SUGCT: variants seen among roughly 807,000 people sequenced by gnomAD.
SUGCT encodes succinyl-CoA:glutarate-CoA transferase.
SUGCT carries 41 observed loss-of-function variants against 55.0 expected under a neutral mutation model. The ratio of observed to expected loss-of-function variants is 0.74; its 90% CI spans 0.58 to 0.97. The LOEUF (loss-of-function observed/expected upper bound fraction) is 0.97, where lower values mean the gene tolerates loss of function less well. Ranked by LOEUF, SUGCT falls within the 50% of genes least tolerant of loss-of-function variation. SUGCT has a pLI of 0.00. For synonymous variants in SUGCT, 187 were observed against 200.4 expected, an observed-to-expected ratio of 0.93 and a Z score of 0.56; for missense variants, 568 against 547.8, an observed-to-expected ratio of 1.04 and a Z score of -0.37.
At chr7:40,536,902 C>T (rs1023968962) in intron 12 of SUGCT, among the ~76,000 whole-genome samples, 10 of 152,126 alleles carry the variant, frequency 6.6e-5, no homozygotes, top group Non-Finnish European at 1.3e-4. Flanking sequence ...AAGTTATGCA[C>T]TGAATGGCAT....
intron 7 of SUGCT, among the ~76,000 whole-genome samples, chr7:40,246,447 A>G (rs1278695761): frequency 1.3e-5 from 2 of 151,798 alleles, no homozygotes; most frequent in Non-Finnish European, 2.9e-5. Flanking sequence ...ACTGGGTTTC[A>G]CCATGTTGAC....
chr7:40,796,237 G>A (rs1402277925), intron 13 of SUGCT, among the ~76,000 whole-genome samples: 1 of 152,110 alleles, frequency 6.6e-6, no homozygotes, highest in Non-Finnish European at 1.5e-5. Context: ...ATTGGGTTGG[G>A]GATCTGAGTG....
At chr7:40,494,784 C>T (rs529682891) in intron 11 of SUGCT, among the ~76,000 whole-genome samples, 1 of 152,186 alleles carries the variant, frequency 6.6e-6, no homozygotes, top group Non-Finnish European at 1.5e-5. Flanking sequence ...CATCATTGTT[C>T]ATATAGTAGC....
intron 9 of SUGCT, 100 bp downstream of exon 9, chr7:40,316,955 G>GTTTTTT (rs56989808): frequency 0.03 from 5,703 of 187,744 alleles, 169 homozygotes; most frequent in Non-Finnish European, 0.034. Context: ...TCCTTCAGCT[G>GTTTTTT]TTTTTTTTTT....
chr7:40,541,844 G>A (rs572604080), intron 12 of SUGCT, among the ~76,000 whole-genome samples: 94 of 152,242 alleles, frequency 6.2e-4, no homozygotes, highest in Middle Eastern at 3.4e-3. Flanking sequence ...ACAAAATCCT[G>A]GAGATTCAGA....
At chr7:40,329,357 T>A (rs963051559) in intron 9 of SUGCT, among the ~76,000 whole-genome samples, 3 of 152,198 alleles carry the variant, frequency 2.0e-5, no homozygotes, top group African/African-American at 7.2e-5. Flanking sequence ...GGCTGTTTCC[T>A]TCTTAAGTTT....
In SUGCT at chr7:40,685,780, G is replaced by A. The variant is rs574558472; in HGVS notation, c.1090-63654G>A. Among the ~76,000 whole-genome samples, 44 of 152,262 alleles carry A rather than the reference G, an allele frequency of 2.9e-4. 1 individual carries two copies. In the South Asian group the frequency reaches 9.1e-3, roughly 32 times the overall value. ...TAGGCCGCACGCATGGCGCATGCCT[G>A]TAATCTCAGCACTTTGTGCAACCAA... is the stretch of plus-strand genomic sequence containing the variant. On this transcript the variant is annotated intron_variant, in intron 12 of 13. Transcript: ENST00000335693.
At chr7:40,537,123 C>T (rs1187950217) in intron 12 of SUGCT, among the ~76,000 whole-genome samples, 1 of 152,258 alleles carries the variant, frequency 6.6e-6, no homozygotes, top group East Asian at 1.9e-4. Context: ...ATAATATCAA[C>T]ATGTCTCAAT....
the SUGCT span, among the ~76,000 whole-genome samples, chr7:40,956,709 TAGG>T: frequency 2.6e-5 from 4 of 152,270 alleles, no homozygotes; most frequent in East Asian, 7.7e-4. Flanking sequence ...ATTGTGATGT[TAGG>T]GGGGCAATTT....
chr7:40,831,297 A>G (rs899903994), intron 13 of SUGCT, among the ~76,000 whole-genome samples: 1 of 151,966 alleles, frequency 6.6e-6, no homozygotes, highest in Non-Finnish European at 1.5e-5. Context: ...TACTGCTGGG[A>G]CTGTTCCCCA....
intron 13 of SUGCT, among the ~76,000 whole-genome samples, chr7:40,779,772 A>G (rs1468958450): frequency 6.6e-6 from 1 of 152,312 alleles, no homozygotes; most frequent in East Asian, 1.9e-4. Context: ...TGCTGCCATA[A>G]TTAATCAAAA....
chr7:40,806,330 C>G (rs1437077155), intron 13 of SUGCT, among the ~76,000 whole-genome samples: 2 of 152,090 alleles, frequency 1.3e-5, no homozygotes, highest in African/African-American at 4.8e-5. Context: ...CTTTAAATCT[C>G]TTTTATCTTG....
intron 12 of SUGCT, among the ~76,000 whole-genome samples, chr7:40,687,245 C>T (rs759302969): frequency 2.0e-5 from 3 of 152,142 alleles, no homozygotes; most frequent in African/African-American, 4.8e-5. Flanking sequence ...GTTCAACCTA[C>T]CACATCTAAT....
chr7:40,547,162 C>A (rs756731992), intron 12 of SUGCT, among the ~76,000 whole-genome samples: 7 of 152,086 alleles, frequency 4.6e-5, no homozygotes, highest in Non-Finnish European at 7.4e-5. Context: ...GATGTGGTTC[C>A]ACTTTGAGGA....
chr7:41,034,782 T>C, the SUGCT span, among the ~76,000 whole-genome samples: 2 of 152,154 alleles, frequency 1.3e-5, no homozygotes, highest in Non-Finnish European at 2.9e-5. Flanking sequence ...GAAGATGGAG[T>C]GGCCTCTGAG....
chr7:40,731,832 T>TC (rs1432734928), intron 12 of SUGCT, among the ~76,000 whole-genome samples: 1 of 152,204 alleles, frequency 6.6e-6, no homozygotes, highest in Non-Finnish European at 1.5e-5. Context: ...CTAGTTGACT[T>TC]CATCATGATT....
chr7:40,815,285 TG>T (rs1791611077), intron 13 of SUGCT, among the ~76,000 whole-genome samples: 1 of 152,238 alleles, frequency 6.6e-6, no homozygotes, highest in South Asian at 2.1e-4. Context: ...GAGCAGCCAC[TG>T]AGCACCCAGA....
chr7:40,929,201 G>T, the SUGCT span, among the ~76,000 whole-genome samples: 10 of 151,560 alleles, frequency 6.6e-5, no homozygotes, highest in African/African-American at 2.4e-4. Context: ...GTGATAGTTT[G>T]CTGAGAATGA....
At chr7:40,333,956 A>G (rs1454267712) in intron 9 of SUGCT, among the ~76,000 whole-genome samples, 3 of 151,774 alleles carry the variant, frequency 2.0e-5, no homozygotes, top group South Asian at 2.1e-4. Flanking sequence ...CCTGTGTCCA[A>G]GTGTTCTCAT....
Sources: allele counts gnomAD v4.1 joint callset (sites outside exome capture counted in the v4.1 genomes callset), GRCh38; gene constraint gnomAD v4.1.1; transcripts MANE v1.5; gene names NCBI Gene and HGNC (gene_info 2026-07-23, HGNC 2026-07-21).